Variants in FSD1L observed in about 807,000 individuals in gnomAD.
The protein encoded by FSD1L is fibronectin type III and SPRY domain containing 1 like, also known as FSD1-like protein.
Under a neutral mutation model 71.6 loss-of-function variants are expected in FSD1L, and 45 were observed. The ratio of observed to expected loss-of-function variants is 0.63; its 90% CI spans 0.49 to 0.81. FSD1L has a LOEUF of 0.81. FSD1L is among the 30% of genes least tolerant of loss of function. The pLI is 0.00. For missense variants in FSD1L, 561 were observed against 618.1 expected, an observed-to-expected ratio of 0.91 and a Z score of 0.98; for synonymous variants, 197 against 207.2, an observed-to-expected ratio of 0.95 and a Z score of 0.42.
chr9:105,488,913 C>T (rs1338633304), intron 7 of FSD1L, among the ~76,000 whole-genome samples: 1 of 150,794 alleles, frequency 6.6e-6, no homozygotes, highest in East Asian at 1.9e-4. Context: ...ACTGCTAACA[C>T]AAACCGTGAG....
intron 10 of FSD1L, among the ~76,000 whole-genome samples, chr9:105,532,559 G>A (rs1835961587): frequency 1.3e-5 from 2 of 152,026 alleles, no homozygotes; most frequent in South Asian, 4.2e-4. Flanking sequence ...CAACTATTCT[G>A]GAATTTTCCC....
chr9:105,525,216 A>T, intron 10 of FSD1L: 1 of 1,604,846 alleles, frequency 6.2e-7, no homozygotes, highest in Admixed American at 1.7e-5. Context: ...ACCGTAAAAG[A>T]TGGACTTTCC....
intron 1 of FSD1L, 62 bp from the exon 2 acceptor site, chr9:105,461,458 T>C (rs1830689660): frequency 4.4e-6 from 3 of 687,484 alleles, no homozygotes; most frequent in Non-Finnish European, 4.7e-6. Context: ...TAATTTATCC[T>C]GTTTTTCCTT....
intron 2 of FSD1L, 64 bp from the exon 3 acceptor site, chr9:105,464,172 T>C: frequency 1.2e-6 from 1 of 822,596 alleles, no homozygotes; most frequent in Non-Finnish European, 2.0e-6. Context: ...TAGAGAATGC[T>C]TGTTAATGAG....
chr9:105,533,712 C>T lies in FSD1L; in HGVS notation c.1026-781C>T, dbSNP rs548740253. Among the ~76,000 whole-genome samples the T allele has an allele frequency of 2.4e-4, 22 of 93,364 alleles. 1 individual carries two copies. The East Asian group carries it at 5.1e-3, about 22-fold the overall frequency. The allele number at this position is 93,364 out of a possible 152,430, so 61.3% of individuals were successfully genotyped here. A position where few individuals can be genotyped will look rare whatever the true frequency, so the allele number is the denominator to read the frequency against. On this transcript the variant is annotated intron_variant, in intron 10 of 13. Transcript: ENST00000481272. Reference sequence around the variant, plus strand: ...CTGAGATTAGAAGCATGAGCCACCGCGTGCAGCCCCCCCGTCCCTTTTTTT... The same window carrying T: ...CTGAGATTAGAAGCATGAGCCACCGTGTGCAGCCCCCCCGTCCCTTTTTTT...
intron 7 of FSD1L, among the ~76,000 whole-genome samples, chr9:105,502,000 T>C (rs1023996102): frequency 6.6e-6 from 1 of 152,178 alleles, no homozygotes; most frequent in Admixed American, 6.5e-5. Context: ...TTTCTTTTTA[T>C]CATTATTCAG....
At chr9:105,484,870 C>T (rs1410875034) in intron 7 of FSD1L, among the ~76,000 whole-genome samples, 4 of 151,724 alleles carry the variant, frequency 2.6e-5, no homozygotes, top group African/African-American at 9.7e-5. Flanking sequence ...CTTTAAAATG[C>T]GATGTTATTC....
At chr9:105,506,309 G>A in intron 7 of FSD1L, 90 bp from the exon 8 acceptor site, 1 of 988,354 alleles carries the variant, frequency 1.0e-6, no homozygotes, top group South Asian at 1.6e-5. Context: ...TGAAAAAGCA[G>A]TTTGAATGAT....
rs1439704426 is a variant in FSD1L at position 105,550,836 on chromosome 9, G to A, written c.*4353G>A. 1.3e-5 allele frequency: 2 copies of A among 151,996 alleles called. No individual in the cohort carries two copies. Among genetic ancestry groups the A allele is most frequent in the Non-Finnish European group, 2.9e-5 (2 of 67,938 alleles). The allele number at this position is 151,996 out of a possible 1,614,324, so 9.4% of individuals were successfully genotyped here. A position where few individuals can be genotyped will look rare whatever the true frequency, so the allele number is the denominator to read the frequency against. On this transcript the variant is annotated 3_prime_UTR_variant, in exon 14 of 14. Transcript: ENST00000481272. ...TATTTCTGGGTCAATATAAGGTACT[G>A]ACTTCTGATGCATAATCACTTAAGC...
intron 10 of FSD1L, among the ~76,000 whole-genome samples, chr9:105,528,122 T>C (rs184662680): frequency 3.4e-4 from 52 of 152,232 alleles, no homozygotes; most frequent in South Asian, 6.2e-4. Context: ...TACAAACCAC[T>C]ACTCAAGGAA....
rs1837090902 is a variant in FSD1L at position 105,547,749 on chromosome 9, T to C, written c.*1266T>C. ...CAATTATAATTTGTAACTCACATCCTTTGAGCTAAACTAAATTAAAATTAC... is the reference window on the plus strand; with the variant it reads ...CAATTATAATTTGTAACTCACATCCCTTGAGCTAAACTAAATTAAAATTAC... On this transcript the variant is annotated 3_prime_UTR_variant, in exon 14 of 14. Coordinates refer to ENST00000481272, the MANE Select transcript of FSD1L (RefSeq NM_001145313.3). 1 of 152,148 alleles carries C rather than the reference T, an allele frequency of 6.6e-6. No homozygotes were observed. Among genetic ancestry groups the C allele is most frequent in the Non-Finnish European group, 1.5e-5 (1 of 67,978 alleles). 9.4% of individuals were successfully genotyped at this position (152,148 alleles called of 1,614,324 possible).
At chr9:105,533,414 A>ATTTTTTTTTTTTTTTTTTT (rs1271918066) in intron 10 of FSD1L, among the ~76,000 whole-genome samples, 6 of 13,368 alleles carry the variant, frequency 4.5e-4, no homozygotes, top group East Asian at 2.8e-3. Context: ...TGCCATTTCC[A>ATTTTTTTTTTTTTTTTTTT]TCTTTTTTTT....
chr9:105,495,227 G>A (rs1050768204), intron 7 of FSD1L, among the ~76,000 whole-genome samples: 8 of 152,160 alleles, frequency 5.3e-5, no homozygotes, highest in Non-Finnish European at 1.0e-4. Flanking sequence ...CCCTAGCCTC[G>A]CTGCCACCTT....
intron 10 of FSD1L, chr9:105,524,962 T>G (rs1564140078): frequency 6.2e-7 from 1 of 1,613,032 alleles, no homozygotes; most frequent in East Asian, 2.2e-5. Context: ...TAGTGTCCTG[T>G]ATCCAGATCA....
At chr9:105,538,830 G>A (rs555502857) in intron 12 of FSD1L, among the ~76,000 whole-genome samples, 1 of 152,186 alleles carries the variant, frequency 6.6e-6, no homozygotes, top group East Asian at 1.9e-4. Context: ...AGAGACTGGA[G>A]TATCAGTATC....
At chr9:105,520,823 C>G in intron 10 of FSD1L, 1 of 1,612,286 alleles carries the variant, frequency 6.2e-7, no homozygotes, top group South Asian at 1.1e-5. Flanking sequence ...TAGAAGAAAT[C>G]ACTCCTCTTG....
At chr9:105,478,813 A>G (rs139667887) in intron 5 of FSD1L, among the ~76,000 whole-genome samples, 346 of 152,368 alleles carry the variant, frequency 2.3e-3, no homozygotes, top group African/African-American at 8.0e-3. Flanking sequence ...TCTTTGGAGT[A>G]AAGGTTTATA....
At chr9:105,463,117 G>C (rs1251406406) in intron 2 of FSD1L, among the ~76,000 whole-genome samples, 1 of 148,400 alleles carries the variant, frequency 6.7e-6, no homozygotes, top group Non-Finnish European at 1.5e-5. Context: ...CAACCTGGGA[G>C]ACAACAGCCA....
rs1162420953 is a variant in FSD1L, at chr9:105,535,071, C to T, written c.1131C>T (p.Asp377=). 2 of 1,551,222 alleles carry T rather than the reference C, an allele frequency of 1.3e-6. No individual in the cohort carries two copies. Among genetic ancestry groups the T allele is most frequent in the Admixed American group, 2.0e-5 (1 of 50,948 alleles). The change falls in exon 12 of 14, where the codon GAC becomes GAT. Residue 377 remains aspartate (D), a synonymous_variant. Transcript: ENST00000481272. ...TACCTTTCTGATCTTTTGTAGGAGA[C>T]ACTGCTATTGAAAGTGGACAACATT... ...FTGESYTVLG[D]TAIESGQHYW... is the part of the protein sequence containing the mutation.
Sources: gnomAD v4.1 joint callset for allele counts (sites outside exome capture counted in the v4.1 genomes callset) on GRCh38, gnomAD v4.1.1 for gene constraint, MANE v1.5 for transcripts, NCBI Gene and HGNC (gene_info 2026-07-23, HGNC 2026-07-21) for gene names.